MIEF2: variants seen among roughly 807,000 people sequenced by gnomAD.
MIEF2 encodes the protein mitochondrial dynamics protein MID49.
MIEF2 carries 1 observed loss-of-function variant against 7.4 expected under a neutral mutation model. The observed-to-expected ratio is 0.14, with a 90% confidence interval of 0.05 to 0.64. The LOEUF (loss-of-function observed/expected upper bound fraction) is 0.64. Among genes scored for constraint, MIEF2 ranks in the 30% least tolerant of loss-of-function variants. The pLI, the probability that MIEF2 is intolerant of heterozygous loss-of-function variation, is 0.85. For synonymous variants in MIEF2, 275 were observed against 290.5 expected (o/e 0.95, Z 0.54); for missense variants, 569 against 623.9 (o/e 0.91, Z 0.94).
At position 18,264,945 on chromosome 17, in the gene MIEF2, A is replaced by G; in HGVS notation, c.*181A>G. 1 of 1,163,280 alleles carries G rather than the reference A, an allele frequency of 8.6e-7. No individual in the cohort carries two copies. The highest frequency in any genetic ancestry group is 1.6e-5 in the African/African-American group (1 of 64,488). The allele number at this position is 1,163,280 out of a possible 1,614,324, so 72.1% of individuals were successfully genotyped here. On this transcript the variant is annotated 3_prime_UTR_variant, in exon 4 of 4. Coordinates refer to ENST00000323019, the MANE Select transcript of MIEF2 (RefSeq NM_139162.4). ...TGGTGGCCATAAACCCTGAGCCCAG[A>G]GAGCTTGGGTCACTGTCACCTGAGT... is the stretch of plus-strand genomic sequence containing the variant.
At position 18,266,123 on chromosome 17, in the gene MIEF2, T is replaced by A. The variant is rs1978736262; in HGVS notation, c.*1359T>A. On this transcript the variant is annotated 3_prime_UTR_variant, in exon 4 of 4. Transcript: ENST00000323019. ...CGGGAGGCCGAGGCAGGAGAATTGC[T>A]TGAACCCGGGAGGTAGAGGTTGCAA... The A allele has an allele frequency of 1.3e-5, 2 of 152,016 alleles. No homozygotes were observed. The highest frequency in any genetic ancestry group is 4.8e-5 in the African/African-American group (2 of 41,306). The allele number at this position is 152,016 out of a possible 1,614,324, so 9.4% of individuals were successfully genotyped here.
rs1342666932 is a variant in MIEF2 at position 18,262,664 on chromosome 17, G to T, written c.-7-50G>T. The T allele has an allele frequency of 6.6e-6, 10 of 1,515,912 alleles. No homozygotes were observed. The South Asian group carries it at 1.2e-4, about 18-fold the overall frequency. 93.9% of individuals were successfully genotyped at this position (1,515,912 alleles called of 1,614,324 possible). A position where few individuals can be genotyped will look rare whatever the true frequency, so the allele number is the denominator to read the frequency against. On this transcript the variant is annotated intron_variant, in intron 1 of 3. Coordinates refer to ENST00000323019, the MANE Select transcript of MIEF2 (RefSeq NM_139162.4). The stretch of plus-strand genomic sequence containing the variant: ...CCTGTCCACAGCAGCCCCTCTCCCA[G>T]CCTGGCCACCTGCACCTGAGCTGCC...
At chr17:18,263,567 A>G in intron 3 of MIEF2, 143 bp from the exon 4 acceptor site, 1 of 1,142,844 alleles carries the variant, frequency 8.8e-7, no homozygotes, top group South Asian at 1.6e-5. Context: ...ACTATATGTG[A>G]GGATCTGAAC....
chr17:18,260,758 G>A, intron 1 of MIEF2, 21 bp downstream of exon 1: 1 of 262,174 alleles, frequency 3.8e-6, no homozygotes. Flanking sequence ...AGCGCGGCGG[G>A]GCGGCCCCCA....
Position 18,262,789 on chromosome 17 carries a change from C to A in MIEF2, c.69C>A (p.Phe23Leu). The A allele has an allele frequency of 1.3e-6, 2 of 1,592,030 alleles. No homozygotes were observed. Among genetic ancestry groups the A allele is most frequent in the Non-Finnish European group, 1.7e-6 (2 of 1,169,680 alleles). The part of the protein sequence containing the change: ...SDEGLGSMVD[F>L]LLANARLVLG... The stretch of plus-strand genomic sequence containing the variant: ...AAGGGCTGGGCAGCATGGTGGACTT[C>A]CTCCTGGCCAATGCCCGCCTGGTGC... The change falls in exon 2 of 4, where the codon TTC (phenylalanine) becomes TTA (leucine). Residue 23 changes from phenylalanine (F) to leucine (L), a missense_variant. By Grantham distance (22) the Phe-to-Leu change is conservative. Transcript: ENST00000323019.
chr17:18,261,270 C>T (rs1022435840), intron 1 of MIEF2: 1 of 1,350,642 alleles, frequency 7.4e-7, no homozygotes, highest in Non-Finnish European at 1.0e-6. Context: ...TTGAAACCGG[C>T]CCTGGGGCCG....
rs1221257653 is a variant in MIEF2, at chr17:18,264,561, GACA to G, written c.1165_1167del (p.Asn389del). 1 of 1,610,848 alleles carries G rather than the reference GACA, an allele frequency of 6.2e-7. No homozygotes were observed. The highest frequency in any genetic ancestry group is 8.5e-7 in the Non-Finnish European group (1 of 1,179,946). ...CCAGGTGGTCCTGCGTCTGGGGGAG[GACA>G]ACGTGGATTGGACGGAGGAGGCCTT... is the stretch of plus-strand genomic sequence containing the variant. On this transcript the variant is annotated inframe_deletion, in exon 4 of 4. Transcript: ENST00000323019.
Position 18,264,270 on chromosome 17 carries a change from G to C in MIEF2, c.871G>C (p.Glu291Gln). ...CATGGCCTCGGAGGAGCTGCTGCTC[G>C]AGGTGCAGCACGAACGCCTGGAGCT... The part of the protein sequence containing the change: ...PSMASEELLL[E>Q]VQHERLELTV... Residue 291 changes from glutamate to glutamine, a missense_variant, in exon 4 of 4, where the codon GAG becomes CAG. Coordinates refer to ENST00000323019, the MANE Select transcript of MIEF2 (RefSeq NM_139162.4). The C allele has an allele frequency of 3.7e-6, 6 of 1,606,134 alleles. No homozygotes were observed. Among genetic ancestry groups the C allele is most frequent in the Non-Finnish European group, 5.1e-6 (6 of 1,179,848 alleles).
Position 18,263,697 on chromosome 17 carries a change from C to T in MIEF2, c.311-13C>T. 2 of 1,554,222 alleles carry T rather than the reference C, an allele frequency of 1.3e-6. No individual in the cohort carries two copies. The highest frequency in any genetic ancestry group is 1.7e-6 in the Non-Finnish European group (2 of 1,149,232). ...GGCTGTTCCGACATGTTCCCCGCCC[C>T]TTCACTCTGCAGAAGGGCCTGCAGA... On this transcript the variant is annotated splice_polypyrimidine_tract_variant and intron_variant, in intron 3 of 3. Coordinates refer to ENST00000323019, the MANE Select transcript of MIEF2 (RefSeq NM_139162.4).
chr17:18,263,796 G>A lies in MIEF2; in HGVS notation c.397G>A (p.Ala133Thr). ...TCTGACACTGCAGGAGAGGCTGCTGGCCTTCGAGCGGGACCGTGTGACCAT... is the reference window on the plus strand; with the variant it reads ...TCTGACACTGCAGGAGAGGCTGCTGACCTTCGAGCGGGACCGTGTGACCAT... ...LCLTLQERLL[A>T]FERDRVTIPA... The change falls in exon 4 of 4, where the codon GCC becomes ACC. Residue 133 changes from alanine to threonine, a missense_variant. Transcript: ENST00000323019. 1 of 1,610,388 alleles carries A rather than the reference G, an allele frequency of 6.2e-7. No homozygotes were observed. Among genetic ancestry groups the A allele is most frequent in the Non-Finnish European group, 8.5e-7 (1 of 1,179,756 alleles).
rs776375102 is a variant in MIEF2 at position 18,262,758 on chromosome 17, G to A, written c.38G>A (p.Ser13Asn). 6.2e-7 allele frequency: 1 copy of A among 1,608,208 alleles called. No homozygotes were observed. Among genetic ancestry groups the A allele is most frequent in the East Asian group, 2.2e-5 (1 of 44,746 alleles). ...EFSQKRGKRR[S>N]DEGLGSMVDF... ...TCCCAGAAACGGGGGAAGCGGCGTA[G>A]CGACGAAGGGCTGGGCAGCATGGTG... The change falls in exon 2 of 4, where the codon AGC becomes AAC. Residue 13 changes from serine to asparagine, a missense_variant. Transcript: ENST00000323019.
Position 18,264,158 on chromosome 17 carries a change from C to A in MIEF2, c.759C>A (p.Val253=). Residue 253 remains valine, a synonymous_variant, in exon 4 of 4, where the codon GTC becomes GTA. Transcript: ENST00000323019. Reference sequence around the variant, plus strand: ...TCGGGGGCTACCTCTCCTCCCGCGTCCTGCTGGAGCTACTCCGCAAGGCGC... The same window carrying A: ...TCGGGGGCTACCTCTCCTCCCGCGTACTGCTGGAGCTACTCCGCAAGGCGC... ...FLVGGYLSSR[V]LLELLRKALA... 6.3e-7 allele frequency: 1 copy of A among 1,579,278 alleles called. No individual in the cohort carries two copies. Among genetic ancestry groups the A allele is most frequent in the Non-Finnish European group, 8.6e-7 (1 of 1,167,540 alleles).
rs1238706451 is a variant in MIEF2 at position 18,264,822 on chromosome 17, C to T, written c.*58C>T. The T allele has an allele frequency of 1.9e-6, 3 of 1,549,664 alleles. No individual in the cohort carries two copies. The highest frequency in any genetic ancestry group is 2.7e-5 in the African/African-American group (2 of 73,064). On this transcript the variant is annotated 3_prime_UTR_variant, in exon 4 of 4. Transcript: ENST00000323019. ...AATGCTGGGGAGCTGCACCCACCTC[C>T]CTTCCAGGGATTTGAATAGTGGTTT...
At position 18,264,554 on chromosome 17, in the gene MIEF2, G is replaced by T. The variant is rs769729905; in HGVS notation, c.1155G>T (p.Leu385=). ...ACCTGACCCAGGTGGTCCTGCGTCT[G>T]GGGGAGGACAACGTGGATTGGACGG... ...RGHLTQVVLR[L]GEDNVDWTEE... The change falls in exon 4 of 4, where the codon CTG becomes CTT. Residue 385 remains leucine, a synonymous_variant. Transcript: ENST00000323019. 1.9e-6 allele frequency: 3 copies of T among 1,610,696 alleles called. No individual in the cohort carries two copies. Among genetic ancestry groups the T allele is most frequent in the South Asian group, 2.2e-5 (2 of 91,072 alleles).
At position 18,263,810 on chromosome 17, in the gene MIEF2, C is replaced by A; in HGVS notation, c.411C>A (p.Asp137Glu). Residue 137 changes from aspartate to glutamate, a missense_variant, in exon 4 of 4, where the codon GAC becomes GAA. Physicochemically the swap from Asp to Glu is conservative, Grantham distance 45. Transcript: ENST00000323019. ...AGAGGCTGCTGGCCTTCGAGCGGGA[C>A]CGTGTGACCATCCCAGCAGCCCAGG... is the stretch of plus-strand genomic sequence containing the variant. ...LQERLLAFER[D>E]RVTIPAAQVA... is the part of the protein sequence containing the mutation. 1.2e-6 allele frequency: 2 copies of A among 1,609,506 alleles called. No individual in the cohort carries two copies. Among genetic ancestry groups the A allele is most frequent in the Non-Finnish European group, 1.7e-6 (2 of 1,179,910 alleles).
chr17:18,264,330 G>A lies in MIEF2; in HGVS notation c.931G>A (p.Asp311Asn), dbSNP rs771188699. 3.7e-6 allele frequency: 6 copies of A among 1,606,474 alleles called. No homozygotes were observed. In the Admixed American group the frequency reaches 6.7e-5, roughly 18 times the overall value. ...VAVLVAVPGV[D>N]ADDRLLLAWP... The stretch of plus-strand genomic sequence containing the variant: ...TGTGCTTGTGGCAGTCCCTGGGGTC[G>A]ATGCTGACGACCGCCTCCTCTTGGC... Residue 311 changes from aspartate (D) to asparagine (N), a missense_variant, in exon 4 of 4, where the codon GAT becomes AAT. Coordinates refer to ENST00000323019, the MANE Select transcript of MIEF2 (RefSeq NM_139162.4).
rs1185924738 is a variant in MIEF2 at position 18,265,726 on chromosome 17, C to T, written c.*962C>T. On this transcript the variant is annotated 3_prime_UTR_variant, in exon 4 of 4. Coordinates refer to ENST00000323019, the MANE Select transcript of MIEF2 (RefSeq NM_139162.4). ...TGGTATCCTTCCTTTTGAAACGAAG[C>T]TCAGCTTCGAAGATGTGAACAAGAA... 6.6e-6 allele frequency: 1 copy of T among 152,494 alleles called. No homozygotes were observed. The highest frequency in any genetic ancestry group is 2.4e-5 in the African/African-American group (1 of 41,464). The allele number at this position is 152,494 out of a possible 1,614,324, so 9.4% of individuals were successfully genotyped here. A position where few individuals can be genotyped will look rare whatever the true frequency, so the allele number is the denominator to read the frequency against.
At position 18,264,615 on chromosome 17, in the gene MIEF2, G is replaced by C. The variant is rs1215370476; in HGVS notation, c.1216G>C (p.Glu406Gln). ...GGGTGAGCGCTTCCTGCAAGCCCTG[G>C]AGCTGCTCATCGGCAGCCTGGAGCA... ...ALGERFLQALELLIGSLEQAS... is the reference protein window; with the variant it reads ...ALGERFLQALQLLIGSLEQAS... The change falls in exon 4 of 4, where the codon GAG becomes CAG. Residue 406 changes from glutamate to glutamine, a missense_variant. Transcript: ENST00000323019. The C allele has an allele frequency of 1.9e-6, 3 of 1,611,340 alleles. No homozygotes were observed. The highest frequency in any genetic ancestry group is 2.5e-6 in the Non-Finnish European group (3 of 1,180,002).
At chr17:18,263,012 G>C (rs1042293402) in intron 2 of MIEF2, 74 bp from the exon 3 acceptor site, 2 of 1,574,552 alleles carry the variant, frequency 1.3e-6, no homozygotes, top group African/African-American at 2.7e-5. Context: ...CCAGCACGCT[G>C]GTCTGCTTTG....
Sources: allele counts gnomAD v4.1 joint callset, GRCh38; gene constraint gnomAD v4.1.1; transcripts MANE v1.5; gene names NCBI Gene and HGNC (gene_info 2026-07-23, HGNC 2026-07-21).